The following FRMD4A variants were observed in gnomAD, a reference collection of about 807,000 sequenced individuals.
FRMD4A encodes the protein FERM domain containing 4A, also known as FERM domain-containing protein 4A.
Under a neutral mutation model 129.1 loss-of-function variants are expected in FRMD4A, and 29 were observed. That is an observed-to-expected ratio of 0.22 (90% CI 0.17 to 0.31). FRMD4A has a LOEUF of 0.31. FRMD4A is among the 10% of genes least tolerant of loss of function. The probability of loss-of-function intolerance (pLI) is 1.00; values close to 1 mark genes in which losing one functional copy is unlikely to be tolerated. For missense variants in FRMD4A, 1,272 were observed against 1,375.8 expected (o/e 0.92, Z 1.19); for synonymous variants, 634 against 571.6 (o/e 1.11, Z -1.56).
intron 12 of FRMD4A, among the ~76,000 whole-genome samples, chr10:13,734,838 TTCTATTTATTTA>T (rs1441834514): frequency 1.4e-5 from 2 of 141,780 alleles, no homozygotes; most frequent in African/African-American, 5.2e-5. Context: ...CTTCTTCTTT[TTCTATTTATTTA>T]TTTATTTATT....
intron 2 of FRMD4A, 115 bp downstream of exon 2, chr10:14,329,943 A>G (rs1843447252): frequency 1.1e-6 from 1 of 947,070 alleles, no homozygotes; most frequent in Non-Finnish European, 1.7e-6. Context: ...CCTGCGGGAT[A>G]AAGCGGAGCA....
intron 2 of FRMD4A, among the ~76,000 whole-genome samples, chr10:14,179,525 C>T (rs1306148453): frequency 2.0e-5 from 3 of 152,112 alleles, no homozygotes; most frequent in Middle Eastern, 3.2e-3. Context: ...CACATATTTG[C>T]TTTCATTTAT....
At chr10:13,971,666 G>T in intron 2 of FRMD4A, 2 of 1,303,252 alleles carry the variant, frequency 1.5e-6, no homozygotes, top group Non-Finnish European at 2.0e-6. Context: ...CTGATAGACG[G>T]CCCTGGAGAT....
At chr10:14,195,752 G>A (rs759293653) in intron 2 of FRMD4A, among the ~76,000 whole-genome samples, 6 of 152,156 alleles carry the variant, frequency 3.9e-5, no homozygotes, top group African/African-American at 1.4e-4. Context: ...GCAGAGCCCA[G>A]GATAAAATTA....
intron 2 of FRMD4A, among the ~76,000 whole-genome samples, chr10:13,993,525 T>C (rs960905424): frequency 6.6e-6 from 1 of 152,230 alleles, no homozygotes; most frequent in Non-Finnish European, 1.5e-5. Context: ...AAATTTGAGT[T>C]AGCAAAATAT....
At chr10:14,288,141 C>T (rs1218454) in intron 2 of FRMD4A, among the ~76,000 whole-genome samples, 79,015 of 152,000 alleles carry the variant, frequency 0.52, 21,272 homozygotes, top group African/African-American at 0.67. Flanking sequence ...CCATTCCTTT[C>T]TTCAAGAAAT....
At chr10:13,868,985 G>A (rs536477493) in intron 2 of FRMD4A, among the ~76,000 whole-genome samples, 1 of 152,280 alleles carries the variant, frequency 6.6e-6, no homozygotes, top group South Asian at 2.1e-4. Flanking sequence ...AACCCTCTGC[G>A]GGTTTGCACT....
chr10:14,041,617 G>A (rs1456881989), intron 2 of FRMD4A, among the ~76,000 whole-genome samples: 1 of 152,072 alleles, frequency 6.6e-6, no homozygotes, highest in East Asian at 1.9e-4. Flanking sequence ...TTTCATAGCA[G>A]GACTATTCAT....
At chr10:14,134,468 T>C (rs1839429249) in intron 2 of FRMD4A, among the ~76,000 whole-genome samples, 1 of 148,684 alleles carries the variant, frequency 6.7e-6, no homozygotes, top group Non-Finnish European at 1.5e-5. Flanking sequence ...GATAAGCACA[T>C]GAATGGATAG....
At chr10:14,124,457 C>T (rs1838715598) in intron 2 of FRMD4A, among the ~76,000 whole-genome samples, 1 of 152,132 alleles carries the variant, frequency 6.6e-6, no homozygotes, top group African/African-American at 2.4e-5. Flanking sequence ...GGGTGGATCA[C>T]CTGAGGTCAG....
rs77428793 is a variant in FRMD4A, at chr10:14,208,414, G to C, written c.45+121644C>G. Among the ~76,000 whole-genome samples the C allele has an allele frequency of 3.8e-4, 58 of 152,048 alleles. 2 individuals are homozygous for C. In the East Asian group the frequency reaches 0.011, roughly 29 times the overall value. On this transcript the variant is annotated intron_variant, in intron 2 of 24. Coordinates refer to ENST00000357447, the MANE Select transcript of FRMD4A (RefSeq NM_018027.5). ...GTCATTAGCACACTCACCCACTCCC[G>C]CCTTACTCATATGCTCTCATGTTAT... is the stretch of plus-strand genomic sequence containing the variant.
intron 2 of FRMD4A, among the ~76,000 whole-genome samples, chr10:14,055,462 A>ACACAC (rs1834476616): frequency 3.9e-5 from 3 of 77,428 alleles, no homozygotes; most frequent in African/African-American, 1.7e-4. Flanking sequence ...CACACACACA[A>ACACAC]ACACACACAC....
intron 2 of FRMD4A, among the ~76,000 whole-genome samples, chr10:14,236,729 C>T (rs1377250984): frequency 6.6e-6 from 1 of 152,084 alleles, no homozygotes; most frequent in African/African-American, 2.4e-5. Flanking sequence ...AATCAGCAAG[C>T]GGTTCAGAGG....
intron 14 of FRMD4A, among the ~76,000 whole-genome samples, chr10:13,700,624 T>C (rs1011409443): frequency 2.2e-4 from 33 of 150,574 alleles, no homozygotes; most frequent in Non-Finnish European, 4.6e-4. Flanking sequence ...GACAGGGGAG[T>C]CTGGGGAGAC....
At chr10:13,691,829 T>A (rs1333950986) in intron 15 of FRMD4A, among the ~76,000 whole-genome samples, 1 of 152,196 alleles carries the variant, frequency 6.6e-6, no homozygotes, top group Non-Finnish European at 1.5e-5. Context: ...TTGTAGGTTG[T>A]GTTTAAAACA....
At chr10:14,008,814 A>G (rs1371582118) in intron 2 of FRMD4A, among the ~76,000 whole-genome samples, 2 of 152,188 alleles carry the variant, frequency 1.3e-5, no homozygotes, top group African/African-American at 4.8e-5. Flanking sequence ...AGACATGCGT[A>G]TCTGTTTACC....
At chr10:14,294,406 G>A (rs1218245759) in intron 2 of FRMD4A, among the ~76,000 whole-genome samples, 1 of 152,132 alleles carries the variant, frequency 6.6e-6, no homozygotes, top group Non-Finnish European at 1.5e-5. Flanking sequence ...CGTTCACAAG[G>A]CTTGACATAG....
intron 2 of FRMD4A, among the ~76,000 whole-genome samples, chr10:13,927,910 C>T (rs1232974967): frequency 2.0e-5 from 3 of 151,862 alleles, no homozygotes; most frequent in Non-Finnish European, 4.4e-5. Flanking sequence ...AGTCCATTTT[C>T]AGAATTCAAC....
chr10:13,955,498 C>G (rs890035020), intron 2 of FRMD4A, among the ~76,000 whole-genome samples: 5 of 152,176 alleles, frequency 3.3e-5, no homozygotes. Context: ...CATGGACTAC[C>G]AATACAGCAG....
Sources: allele counts gnomAD v4.1 joint callset (sites outside exome capture counted in the v4.1 genomes callset), GRCh38; gene constraint gnomAD v4.1.1; transcripts MANE v1.5; gene names NCBI Gene and HGNC (gene_info 2026-07-23, HGNC 2026-07-21).